The following DTNA variants were observed in gnomAD, a reference collection of about 807,000 sequenced individuals.
DTNA encodes the protein dystrophin-related protein 3.
In DTNA, 43 loss-of-function variants were observed where a neutral mutation model predicts 100.7. The observed-to-expected ratio is 0.43, with a 90% CI of 0.33 to 0.55. The LOEUF is 0.55. Ranked by LOEUF, DTNA falls within the 20% of genes least tolerant of loss-of-function variation. The pLI is 0.04. For synonymous variants in DTNA, 349 were observed against 347.9 expected, an observed-to-expected ratio of 1.00 and a Z score of -0.04; for missense variants, 798 against 953.9, an observed-to-expected ratio of 0.84 and a Z score of 2.15.
Position 34,775,085 on chromosome 18 carries a change from G to A in DTNA, c.148+9044G>A, listed in dbSNP as rs113068569. Among the ~76,000 whole-genome samples the A allele has an allele frequency of 9.4e-4, 143 of 152,276 alleles. 1 individual carries two copies. The highest frequency in any genetic ancestry group is 3.1e-4 in the Non-Finnish European group (21 of 68,026). On this transcript the variant is annotated intron_variant, in intron 3 of 22. Transcript: ENST00000444659. ...CATAATCCCCAGGACTGGGAATTTC[G>A]TGGAATTCACTCCTGTGATTAGATT...
chr18:34,535,555 T>G (rs1476037268), intron 1 of DTNA, among the ~76,000 whole-genome samples: 11 of 151,994 alleles, frequency 7.2e-5, no homozygotes, highest in Admixed American at 2.0e-4. Context: ...TTTTAGTTAT[T>G]AAGTCTTTGC....
chr18:34,662,980 G>A (rs2075399190), intron 1 of DTNA: 1 of 152,092 alleles, frequency 6.6e-6, no homozygotes, highest in Admixed American at 6.5e-5. Flanking sequence ...CAAAAGTAAT[G>A]GTAAGTAAAA....
intron 1 of DTNA, among the ~76,000 whole-genome samples, chr18:34,739,048 C>T (rs1237436047): frequency 6.6e-6 from 1 of 152,112 alleles, no homozygotes; most frequent in African/African-American, 2.4e-5. Context: ...GTTAGTTTTT[C>T]AACCCTTTCT....
chr18:34,495,377 A>G (rs1483217155), intron 1 of DTNA, among the ~76,000 whole-genome samples: 1 of 152,236 alleles, frequency 6.6e-6, no homozygotes, highest in Non-Finnish European at 1.5e-5. Flanking sequence ...GCATTTCACC[A>G]TAAAGTTGAG....
intron 4 of DTNA, among the ~76,000 whole-genome samples, chr18:34,799,149 G>C (rs1173232956): frequency 6.6e-6 from 1 of 152,154 alleles, no homozygotes; most frequent in African/African-American, 2.4e-5. Context: ...ATTAGGATCA[G>C]TTTTATGACA....
chr18:34,838,649 A>G (rs2096204769), intron 12 of DTNA, 96 bp from the exon 13 acceptor site: 2 of 1,033,612 alleles, frequency 1.9e-6, no homozygotes, highest in Non-Finnish European at 3.1e-6. Context: ...TGGTTTTCTA[A>G]ATGCCTTTTC....
At chr18:34,862,124 CAAAAAAAAAAAA>C (rs1002538086) in intron 16 of DTNA, among the ~76,000 whole-genome samples, 898 of 56,272 alleles carry the variant, frequency 0.016, 14 homozygotes, top group African/African-American at 0.055. Flanking sequence ...CAGACAAGGT[CAAAAAAAAAAAA>C]AAAAAAAGAG....
chr18:34,878,746 G>A (rs974067252), intron 19 of DTNA, among the ~76,000 whole-genome samples: 5 of 152,152 alleles, frequency 3.3e-5, no homozygotes, highest in Non-Finnish European at 7.4e-5. Context: ...TACAAAGAGT[G>A]TTCAAAACTT....
chr18:34,657,790 A>G (rs1315034758), intron 1 of DTNA, among the ~76,000 whole-genome samples: 7 of 152,230 alleles, frequency 4.6e-5, no homozygotes, highest in Admixed American at 4.6e-4. Context: ...GAGACATCAC[A>G]TAGCTCTGAA....
chr18:34,502,832 C>T (rs1024448499), intron 1 of DTNA, among the ~76,000 whole-genome samples: 1 of 152,120 alleles, frequency 6.6e-6, no homozygotes, highest in African/African-American at 2.4e-5. Flanking sequence ...GTATATTTGG[C>T]TGTTTCGGGG....
At chr18:34,828,328 A>T (rs1288015367) in intron 10 of DTNA, among the ~76,000 whole-genome samples, 1 of 152,210 alleles carries the variant, frequency 6.6e-6, no homozygotes, top group Non-Finnish European at 1.5e-5. Flanking sequence ...GAGTCATTTG[A>T]TCAAATATTG....
At chr18:34,605,269 A>G (rs2052789491) in intron 1 of DTNA, among the ~76,000 whole-genome samples, 1 of 152,100 alleles carries the variant, frequency 6.6e-6, no homozygotes, top group African/African-American at 2.4e-5. Context: ...AATTAAATAT[A>G]TTGTTCTATA....
chr18:34,605,322 GACC>G (rs1423667570), intron 1 of DTNA, among the ~76,000 whole-genome samples: 11 of 152,070 alleles, frequency 7.2e-5, no homozygotes, highest in Non-Finnish European at 1.3e-4. Context: ...CAAATGTATG[GACC>G]CACATGTCCA....
chr18:34,593,856 C>T (rs2050034482), intron 1 of DTNA, among the ~76,000 whole-genome samples: 1 of 152,088 alleles, frequency 6.6e-6, no homozygotes, highest in Admixed American at 6.5e-5. Flanking sequence ...AGACTGAATG[C>T]TACTGTGTCT....
intron 1 of DTNA, among the ~76,000 whole-genome samples, chr18:34,666,184 A>AT (rs1204583208): frequency 1.3e-5 from 2 of 151,714 alleles, no homozygotes; most frequent in Admixed American, 1.3e-4. Flanking sequence ...GATGATGAGC[A>AT]TTTTTTCATG....
intron 1 of DTNA, among the ~76,000 whole-genome samples, chr18:34,498,483 T>TAAG (rs1555783600): frequency 6.9e-6 from 1 of 145,922 alleles, no homozygotes; most frequent in Non-Finnish European, 1.5e-5. Context: ...ATAATAATAA[T>TAAG]TTAATCACCT....
chr18:34,878,582 C>A (rs1447099104), intron 19 of DTNA, among the ~76,000 whole-genome samples: 1 of 152,138 alleles, frequency 6.6e-6, no homozygotes, highest in Admixed American at 6.5e-5. Context: ...CTGGGATTCC[C>A]AGCCCTTATC....
At chr18:34,677,613 TTCA>T (rs1008994669) in intron 1 of DTNA, among the ~76,000 whole-genome samples, 2 of 152,176 alleles carry the variant, frequency 1.3e-5, no homozygotes, top group Non-Finnish European at 2.9e-5. Flanking sequence ...GAGAGCTGTG[TTCA>T]TGAGGAGAAA....
At chr18:34,500,620 C>G (rs748114738) in intron 1 of DTNA, among the ~76,000 whole-genome samples, 18 of 151,562 alleles carry the variant, frequency 1.2e-4, no homozygotes, top group Non-Finnish European at 2.2e-4. Flanking sequence ...CCCACCCCCA[C>G]GCCCAGCTAA....
Sources: allele counts gnomAD v4.1 joint callset (sites outside exome capture counted in the v4.1 genomes callset), GRCh38; gene constraint gnomAD v4.1.1; transcripts MANE v1.5; gene names NCBI Gene and HGNC (gene_info 2026-07-23, HGNC 2026-07-21).